Variants in HERC3 observed in about 807,000 individuals in gnomAD.
HERC3 encodes the protein HECT and RLD domain containing E3 ubiquitin protein ligase 3.
HERC3 carries 58 observed loss-of-function variants against 129.9 expected under a neutral mutation model. The ratio of observed to expected loss-of-function variants is 0.45; its 90% CI spans 0.36 to 0.56. HERC3 has a LOEUF of 0.56. Ranked by LOEUF, HERC3 falls within the 20% of genes least tolerant of loss-of-function variation. HERC3 has a pLI of 0.00. For missense variants in HERC3, 835 were observed against 1,244.2 expected (o/e 0.67, Z 4.95); for synonymous variants, 430 against 451.0 (o/e 0.95, Z 0.59).
At chr4:88,570,297 A>G in the HERC3 span, among the ~76,000 whole-genome samples, 1 of 152,224 alleles carries the variant, frequency 6.6e-6, no homozygotes, top group South Asian at 2.1e-4. Context: ...ATTCTGAAAA[A>G]CAACCCTGAC....
chr4:88,551,148 A>G, the HERC3 span, among the ~76,000 whole-genome samples: 3 of 152,182 alleles, frequency 2.0e-5, no homozygotes, highest in East Asian at 5.8e-4. Flanking sequence ...GATGGATTAA[A>G]GACTTAAACG....
rs1724853427 is a variant in HERC3, at chr4:88,615,940, C to T, written c.226+9891C>T. 2.0e-5 allele frequency among the ~76,000 whole-genome samples: 3 copies of T among 152,188 alleles called. No individual in the cohort carries two copies. The South Asian group carries it at 6.2e-4, about 32-fold the overall frequency. On this transcript the variant is annotated intron_variant, in intron 3 of 25. Transcript: ENST00000402738. ...TTACAATTGTTTTTATCCTGCTATT[C>T]CAGCATATTAACAAATTAATACATT...
At chr4:88,679,589 G>A (rs965971071) in intron 19 of HERC3, among the ~76,000 whole-genome samples, 1 of 149,830 alleles carries the variant, frequency 6.7e-6, no homozygotes. Context: ...GTGCGATCTC[G>A]GCTCACTGCA....
At chr4:88,648,992 C>T (rs1167879428) in intron 3 of HERC3, among the ~76,000 whole-genome samples, 4 of 151,842 alleles carry the variant, frequency 2.6e-5, no homozygotes, top group Non-Finnish European at 5.9e-5. Flanking sequence ...CTATAGCACT[C>T]TCTTTCTAGT....
chr4:88,626,982 C>G (rs1271652565), intron 3 of HERC3, among the ~76,000 whole-genome samples: 2 of 151,902 alleles, frequency 1.3e-5, no homozygotes, highest in Non-Finnish European at 2.9e-5. Flanking sequence ...GTGTGGAAAC[C>G]TAAATCACTG....
chr4:88,571,172 G>A, the HERC3 span, among the ~76,000 whole-genome samples: 1 of 151,990 alleles, frequency 6.6e-6, no homozygotes, highest in South Asian at 2.1e-4. Context: ...AGGTTCAAGT[G>A]ATCCTCCTGC....
rs764161043 is a variant in HERC3 at position 88,625,107 on chromosome 4, T to TG, written c.226+19060dup. Among the ~76,000 whole-genome samples, 14 of 152,320 alleles carry TG rather than the reference T, an allele frequency of 9.2e-5. No homozygotes were observed. In the East Asian group the frequency reaches 2.7e-3, roughly 29 times the overall value. ...ATTACTGTAGCTTTATAGTAAATCT[T>TG]GGAAGTATGTAGTTGCAGATAGTAT... On this transcript the variant is annotated intron_variant, in intron 3 of 25. Transcript: ENST00000402738.
the HERC3 span, among the ~76,000 whole-genome samples, chr4:88,563,807 C>T: frequency 6.6e-6 from 1 of 151,806 alleles, no homozygotes. Flanking sequence ...TACAGGCATG[C>T]ACCACCACGC....
At chr4:88,602,856 A>T (rs1166384288) in intron 2 of HERC3, among the ~76,000 whole-genome samples, 1 of 152,132 alleles carries the variant, frequency 6.6e-6, no homozygotes, top group Non-Finnish European at 1.5e-5. Context: ...TCTTTCTCAA[A>T]TTTCTAAGAA....
In HERC3 at chr4:88,678,226, G is replaced by C. The variant is rs538657297; in HGVS notation, c.2196+92G>C. ...AGCAGTGATCTTATTAAAATTGTGG[G>C]GTGCAGCCATTCTTTCATTCATTTT... is the stretch of plus-strand genomic sequence containing the variant. On this transcript the variant is annotated intron_variant, in intron 19 of 25. Coordinates refer to ENST00000402738, the MANE Select transcript of HERC3 (RefSeq NM_014606.3). The C allele has an allele frequency of 5.4e-6, 6 of 1,118,416 alleles. No individual in the cohort carries two copies. In the East Asian group the frequency reaches 1.5e-4, roughly 28 times the overall value. 69.3% of individuals were successfully genotyped at this position (1,118,416 alleles called of 1,614,324 possible).
chr4:88,656,008 C>G lies in HERC3; in HGVS notation c.1042C>G (p.His348Asp). Reference sequence around the variant, plus strand: ...TCCTGTCAAGGGTTACTGGGCTGCCCACAGTGGCCAGCTTTCAGCCCGAGC... The same window carrying G: ...TCCTGTCAAGGGTTACTGGGCTGCCGACAGTGGCCAGCTTTCAGCCCGAGC... The part of the protein sequence containing the change: ...PSPVKGYWAA[H>D]SGQLSARADR... The change falls in exon 9 of 26, where the codon CAC becomes GAC. Residue 348 changes from histidine to aspartate, a missense_variant. Coordinates refer to ENST00000402738, the MANE Select transcript of HERC3 (RefSeq NM_014606.3). 1 of 1,614,078 alleles carries G rather than the reference C, an allele frequency of 6.2e-7. No homozygotes were observed. The highest frequency in any genetic ancestry group is 1.1e-5 in the South Asian group (1 of 91,068).
chr4:88,589,835 A>G (rs554251525), upstream of HERC3, among the ~76,000 whole-genome samples: 4 of 152,328 alleles, frequency 2.6e-5, no homozygotes, highest in South Asian at 8.3e-4. Context: ...GTTCTATGTA[A>G]GTTCTCAGGG....
the HERC3 span, among the ~76,000 whole-genome samples, chr4:88,567,565 T>C: frequency 1.1e-4 from 17 of 152,202 alleles, no homozygotes; most frequent in Admixed American, 8.5e-4. Context: ...TCAATTTTGC[T>C]GTTGAGAGAC....
the HERC3 span, among the ~76,000 whole-genome samples, chr4:88,535,868 C>T: frequency 1.3e-5 from 2 of 152,188 alleles, no homozygotes; most frequent in Admixed American, 1.3e-4. Context: ...AAATCTCTTA[C>T]AGAAATATTA....
the HERC3 span, among the ~76,000 whole-genome samples, chr4:88,579,226 A>ATAT: frequency 2.1e-5 from 2 of 93,938 alleles, no homozygotes; most frequent in African/African-American, 2.0e-4. Flanking sequence ...TACTAAAAAA[A>ATAT]AAAAAAATAT....
chr4:88,662,668 C>T, intron 11 of HERC3, 113 bp downstream of exon 11: 1 of 1,127,276 alleles, frequency 8.9e-7, no homozygotes, highest in Non-Finnish European at 1.3e-6. Flanking sequence ...TGGGGTTTTA[C>T]ATTATAGGGA....
At chr4:88,581,747 TG>T in the HERC3 span, among the ~76,000 whole-genome samples, 1 of 152,202 alleles carries the variant, frequency 6.6e-6, no homozygotes, top group African/African-American at 2.4e-5. Context: ...CCACTGCCCC[TG>T]GCCTGAAAAT....
At chr4:88,572,475 T>C in the HERC3 span, among the ~76,000 whole-genome samples, 1 of 151,866 alleles carries the variant, frequency 6.6e-6, no homozygotes, top group East Asian at 1.9e-4. Flanking sequence ...TAGGCCATCT[T>C]CTAACCAAAA....
chr4:88,591,072 T>C (rs750351077), upstream of HERC3, among the ~76,000 whole-genome samples: 6 of 152,142 alleles, frequency 3.9e-5, no homozygotes, highest in Middle Eastern at 3.4e-3. Flanking sequence ...GTATTTTTTT[T>C]TGTAGAGACA....
Sources: gnomAD v4.1 joint callset for allele counts (sites outside exome capture counted in the v4.1 genomes callset) on GRCh38, gnomAD v4.1.1 for gene constraint, MANE v1.5 for transcripts, NCBI Gene and HGNC (gene_info 2026-07-23, HGNC 2026-07-21) for gene names.